KAZN: variants seen among roughly 807,000 people sequenced by gnomAD.
The protein encoded by KAZN is kazrin, periplakin interacting protein.
In KAZN, 40 loss-of-function variants were observed where a neutral mutation model predicts 87.4. The ratio of observed to expected loss-of-function variants is 0.46; its 90% CI spans 0.36 to 0.60. KAZN has a LOEUF of 0.60. Ranked by LOEUF, KAZN falls within the 20% of genes least tolerant of loss-of-function variation. The pLI, the probability that KAZN is intolerant of heterozygous loss-of-function variation, is 0.00. For missense variants in KAZN, 898 were observed against 1,073.9 expected, an observed-to-expected ratio of 0.84 and a Z score of 2.29; for synonymous variants, 466 against 458.3, an observed-to-expected ratio of 1.02 and a Z score of -0.22.
chr1:14,134,215 G>A (rs2101744436), intron 1 of KAZN, among the ~76,000 whole-genome samples: 1 of 152,312 alleles, frequency 6.6e-6, no homozygotes, highest in Middle Eastern at 3.4e-3. Flanking sequence ...AAAGTGATGT[G>A]ATGGACATAT....
rs149811738 is a variant in KAZN at position 15,006,485 on chromosome 1, T to C, written c.419-28264T>C. On this transcript the variant is annotated intron_variant, in intron 2 of 14. Coordinates refer to ENST00000376030, the MANE Select transcript of KAZN (RefSeq NM_201628.3). ...GAAAAGGCAGGGTCTTTCTCCTATC[T>C]TTCCCGTCATCATATTTTATCCCAT... Among the ~76,000 whole-genome samples the C allele has an allele frequency of 2.3e-3, 350 of 152,342 alleles. 1 individual carries two copies. The highest frequency in any genetic ancestry group is 7.8e-3 in the African/African-American group (325 of 41,576).
intron 1 of KAZN, among the ~76,000 whole-genome samples, chr1:14,628,160 G>A (rs966030137): frequency 3.9e-5 from 6 of 152,192 alleles, no homozygotes; most frequent in Admixed American, 3.9e-4. Flanking sequence ...CACCTGATCT[G>A]GTCCTGGGGC....
At chr1:14,358,087 C>T (rs1431633661) in intron 2 of KAZN, among the ~76,000 whole-genome samples, 1 of 152,078 alleles carries the variant, frequency 6.6e-6, no homozygotes, top group Non-Finnish European at 1.5e-5. Flanking sequence ...ATTACTGCCT[C>T]AATTTCAGTG....
At chr1:14,885,510 ATTTTG>A (rs1557588843) in intron 1 of KAZN, among the ~76,000 whole-genome samples, 1 of 151,076 alleles carries the variant, frequency 6.6e-6, no homozygotes, top group Non-Finnish European at 1.5e-5. Context: ...TCCTTTTTTT[ATTTTG>A]TTTGTTTGTT....
At chr1:14,526,016 A>G (rs982869081) in intron 2 of KAZN, among the ~76,000 whole-genome samples, 12 of 152,200 alleles carry the variant, frequency 7.9e-5, no homozygotes, top group African/African-American at 2.7e-4. Flanking sequence ...GGAATCCTCA[A>G]TGGATCTCCG....
At chr1:13,935,140 G>A (rs187713455) in intron 1 of KAZN, among the ~76,000 whole-genome samples, 1 of 152,160 alleles carries the variant, frequency 6.6e-6, no homozygotes, top group East Asian at 1.9e-4. Context: ...GGGAGGCTGA[G>A]GCAGGAGAAT....
chr1:14,431,098 G>T (rs573937166), intron 2 of KAZN, among the ~76,000 whole-genome samples: 2 of 152,126 alleles, frequency 1.3e-5, no homozygotes, highest in African/African-American at 4.8e-5. Context: ...TTAATGAATG[G>T]GTGACCAAAT....
intron 2 of KAZN, among the ~76,000 whole-genome samples, chr1:14,343,038 G>C (rs1046174613): frequency 6.6e-6 from 1 of 152,180 alleles, no homozygotes; most frequent in Non-Finnish European, 1.5e-5. Context: ...CTACTCAGGA[G>C]GCTGAGGCAG....
chr1:15,094,092 C>A lies in KAZN; in HGVS notation c.1223-88C>A. On this transcript the variant is annotated intron_variant, in intron 8 of 14. Coordinates refer to ENST00000376030, the MANE Select transcript of KAZN (RefSeq NM_201628.3). The surrounding 1 kb of genome is among the most constrained non-coding windows in gnomAD (Gnocchi z 4.5). ...TACATGGAGGGGAGGATGTCCCCAC[C>A]ACCCTCTGCCTCCCGGGGGTATGGC... is the stretch of plus-strand genomic sequence containing the variant. 1 of 1,218,772 alleles carries A rather than the reference C, an allele frequency of 8.2e-7. No individual in the cohort carries two copies. The highest frequency in any genetic ancestry group is 1.2e-6 in the Non-Finnish European group (1 of 859,952). 75.5% of individuals were successfully genotyped at this position (1,218,772 alleles called of 1,614,324 possible).
At chr1:14,683,348 T>C (rs1419272594) in intron 1 of KAZN, among the ~76,000 whole-genome samples, 1 of 152,222 alleles carries the variant, frequency 6.6e-6, no homozygotes. Flanking sequence ...ACACGAATTA[T>C]ATTAATGGGA....
intron 1 of KAZN, among the ~76,000 whole-genome samples, chr1:14,915,636 TG>T (rs1293568260): frequency 6.6e-6 from 1 of 152,232 alleles, no homozygotes; most frequent in Admixed American, 6.5e-5. Flanking sequence ...TGTTCCCCGC[TG>T]CCCACAGGCA....
At chr1:15,067,521 C>A (rs897477608) in intron 8 of KAZN, 1 of 985,376 alleles carries the variant, frequency 1.0e-6, no homozygotes, top group East Asian at 1.1e-4. Flanking sequence ...TCCTTAACAA[C>A]TAACAGCTCA....
chr1:14,527,978 A>G (rs1490611536), intron 2 of KAZN, among the ~76,000 whole-genome samples: 1 of 152,008 alleles, frequency 6.6e-6, no homozygotes. Context: ...TAGAAGGAAT[A>G]GTAGTGTCTG....
Position 14,422,814 on chromosome 1 carries a change from G to T in KAZN, c.250-176169G>T, listed in dbSNP as rs187675922. Among the ~76,000 whole-genome samples, 317 of 152,228 alleles carry T rather than the reference G, an allele frequency of 2.1e-3. 1 individual carries two copies. The highest frequency in any genetic ancestry group is 7.3e-3 in the African/African-American group (304 of 41,530). The stretch of plus-strand genomic sequence containing the variant: ...GTGAACATTCTTAGACCATTGTCTG[G>T]GTCTCAGATTCTAATCCCCAAGGCT... On this transcript the variant is annotated intron_variant, in intron 2 of 16. Coordinates refer to the KAZN transcript ENST00000636203.
At chr1:14,778,895 G>C (rs1195701075) in intron 1 of KAZN, among the ~76,000 whole-genome samples, 1 of 152,178 alleles carries the variant, frequency 6.6e-6, no homozygotes, top group Non-Finnish European at 1.5e-5. Context: ...ACAGCAGCTG[G>C]GCTGAGATGT....
Position 14,917,872 on chromosome 1 carries a change from T to TCC in KAZN, c.227-42812_227-42811insCC, listed in dbSNP as rs201859006. Among the ~76,000 whole-genome samples, 773 of 145,434 alleles carry TCC rather than the reference T, an allele frequency of 5.3e-3. 3 individuals carry two copies. The highest frequency in any genetic ancestry group is 0.015 in the South Asian group (72 of 4,774). On this transcript the variant is annotated intron_variant, in intron 1 of 14. Coordinates refer to ENST00000376030, the MANE Select transcript of KAZN (RefSeq NM_201628.3). ...TTTCTTCCTTCCTTCCTTCCTTCCT[T>TCC]TCTTTCTTTCTTTCTTTCTTTTTTG... is the stretch of plus-strand genomic sequence containing the variant.
intron 2 of KAZN, among the ~76,000 whole-genome samples, chr1:15,033,254 G>T (rs1671916730): frequency 6.6e-6 from 1 of 151,974 alleles, no homozygotes; most frequent in South Asian, 2.1e-4. Context: ...GGCCCTCCTT[G>T]TTTTTATTTA....
chr1:14,094,022 G>A lies in KAZN; in HGVS notation c.92-86413G>A, dbSNP rs143631256. Among the ~76,000 whole-genome samples the A allele has an allele frequency of 2.4e-3, 361 of 152,238 alleles. 3 individuals are homozygous for A. The highest frequency in any genetic ancestry group is 0.014 in the East Asian group (74 of 5,174). On this transcript the variant is annotated intron_variant, in intron 1 of 16. Transcript: ENST00000636203. ...ATTTCTTTATGGCCAGCTGTAACAC[G>A]GAAAGGTGCGGTGAGGCTGGAGTCA...
At chr1:13,944,447 G>A (rs911886873) in intron 1 of KAZN, among the ~76,000 whole-genome samples, 3 of 152,214 alleles carry the variant, frequency 2.0e-5, no homozygotes, top group African/African-American at 7.2e-5. Flanking sequence ...AATTTATGGT[G>A]ATAGTTGCAC....
Sources: gnomAD v4.1 joint callset for allele counts (sites outside exome capture counted in the v4.1 genomes callset) on GRCh38, gnomAD v4.1.1 for gene constraint, Gnocchi (gnomAD v3.1) non-coding constraint, MANE v1.5 for transcripts, NCBI Gene and HGNC (gene_info 2026-07-23, HGNC 2026-07-21) for gene names.